FAT3: variants seen among roughly 807,000 people sequenced by gnomAD.
The protein encoded by FAT3 is FAT atypical cadherin 3, also known as protocadherin Fat 3.
In FAT3, 95 loss-of-function variants were observed where a neutral mutation model predicts 310.2. The ratio of observed to expected loss-of-function variants is 0.31; its 90% confidence interval spans 0.26 to 0.36. The LOEUF (loss-of-function observed/expected upper bound fraction) is 0.36, where lower values mean the gene tolerates loss of function less well. Ranked by LOEUF, FAT3 falls within the 10% of genes least tolerant of loss-of-function variation. The pLI, the probability that FAT3 is intolerant of heterozygous loss-of-function variation, is 1.00. For synonymous variants in FAT3, 2,314 were observed against 2,192.9 expected (o/e 1.06, Z -1.54); for missense variants, 5,408 against 5,715.6 (o/e 0.95, Z 1.74).
intron 1 of FAT3, among the ~76,000 whole-genome samples, chr11:92,241,878 T>C (rs150774782): frequency 8.5e-5 from 13 of 152,210 alleles, no homozygotes; most frequent in African/African-American, 3.1e-4. Context: ...ATTCTCTTTA[T>C]ATTATTTTGG....
At chr11:92,842,652 G>T (rs1948581464) in intron 18 of FAT3, among the ~76,000 whole-genome samples, 1 of 152,172 alleles carries the variant, frequency 6.6e-6, no homozygotes, top group South Asian at 2.1e-4. Context: ...CAGGAGGATT[G>T]CTTGTGCTCA....
At chr11:92,671,299 C>CTCTCAAAG in intron 3 of FAT3, among the ~76,000 whole-genome samples, 1 of 152,268 alleles carries the variant, frequency 6.6e-6, no homozygotes, top group East Asian at 1.9e-4. Context: ...CCCACTCAGT[C>CTCTCAAAG]TCTCAAAGTG....
At position 92,499,681 on chromosome 11, in the gene FAT3, A is replaced by G. The variant is rs559816331; in HGVS notation, c.3293-24953A>G. On this transcript the variant is annotated intron_variant, in intron 2 of 27. Coordinates refer to ENST00000525166, the MANE Select transcript of FAT3 (RefSeq NM_001367949.2). ...TTCACAGTGTCATCTTGAGTCATCT[A>G]TGTGAACAAAGTCTTGATCTTGTGT... Among the ~76,000 whole-genome samples, 45 of 149,226 alleles carry G rather than the reference A, an allele frequency of 3.0e-4. No homozygotes were observed. The South Asian group carries it at 8.1e-3, about 27-fold the overall frequency.
intron 1 of FAT3, among the ~76,000 whole-genome samples, chr11:92,284,254 A>C (rs1283948145): frequency 6.6e-6 from 1 of 152,046 alleles, no homozygotes; most frequent in Non-Finnish European, 1.5e-5. Flanking sequence ...TGTCAAAGGT[A>C]GGAAAGTGTA....
At chr11:92,874,368 T>C (rs2136375904) in intron 22 of FAT3, among the ~76,000 whole-genome samples, 1 of 152,326 alleles carries the variant, frequency 6.6e-6, no homozygotes, top group South Asian at 2.1e-4. Context: ...GTTTCTAAAA[T>C]TGTCCATCTC....
intron 4 of FAT3, among the ~76,000 whole-genome samples, chr11:92,737,795 A>G (rs1466579824): frequency 1.3e-5 from 2 of 152,076 alleles, no homozygotes; most frequent in Non-Finnish European, 2.9e-5. Context: ...TACTCACATA[A>G]TGGATCCCAG....
intron 27 of FAT3, 87 bp from the exon 28 acceptor site, chr11:92,890,404 C>T (rs749206020): frequency 1.5e-4 from 220 of 1,447,228 alleles, no homozygotes; most frequent in Non-Finnish European, 2.0e-4. Flanking sequence ...CTAAAAATTG[C>T]ATGTCAGGTC....
chr11:92,728,561 G>T (rs1209725899), intron 4 of FAT3, among the ~76,000 whole-genome samples: 1 of 152,070 alleles, frequency 6.6e-6, no homozygotes, highest in African/African-American at 2.4e-5. Context: ...TTCTGGGGCT[G>T]CTATAAAACA....
At chr11:92,361,439 G>A (rs1948880384) in intron 2 of FAT3, among the ~76,000 whole-genome samples, 1 of 151,906 alleles carries the variant, frequency 6.6e-6, no homozygotes, top group Non-Finnish European at 1.5e-5. Flanking sequence ...TTTTGGGAAG[G>A]GATTGAATCA....
At chr11:92,356,350 A>G (rs1429052972) in intron 2 of FAT3, among the ~76,000 whole-genome samples, 1 of 152,206 alleles carries the variant, frequency 6.6e-6, no homozygotes, top group East Asian at 1.9e-4. Context: ...TTTTCAGAGC[A>G]CATTTACATA....
At chr11:92,584,405 A>G (rs186921217) in intron 3 of FAT3, among the ~76,000 whole-genome samples, 34 of 152,216 alleles carry the variant, frequency 2.2e-4, no homozygotes, top group Admixed American at 5.2e-4. Flanking sequence ...TTCATCGTAC[A>G]GAAAGCTTTT....
chr11:92,557,325 C>T (rs894482732), intron 3 of FAT3, among the ~76,000 whole-genome samples: 1 of 152,150 alleles, frequency 6.6e-6, no homozygotes, highest in Non-Finnish European at 1.5e-5. Flanking sequence ...CAGGATTCCC[C>T]TGCACCTGTG....
At chr11:92,566,431 G>A in intron 3 of FAT3, among the ~76,000 whole-genome samples, 1 of 151,932 alleles carries the variant, frequency 6.6e-6, no homozygotes, top group East Asian at 1.9e-4. Flanking sequence ...TGGGTAGGAA[G>A]AATCAATATC....
At chr11:92,588,664 A>G (rs923711011) in intron 3 of FAT3, among the ~76,000 whole-genome samples, 4 of 148,210 alleles carry the variant, frequency 2.7e-5, no homozygotes, top group Non-Finnish European at 5.9e-5. Flanking sequence ...ATCAGATTGG[A>G]TGAGAACAAA....
chr11:92,307,098 TC>T (rs1011793024), intron 1 of FAT3, among the ~76,000 whole-genome samples: 4 of 151,806 alleles, frequency 2.6e-5, no homozygotes, highest in African/African-American at 9.7e-5. Flanking sequence ...TGCCTGGCTT[TC>T]CACTTAAGTA....
chr11:92,889,049 T>C (rs1193185539), intron 25 of FAT3, 140 bp from the exon 26 acceptor site: 2 of 525,316 alleles, frequency 3.8e-6, no homozygotes, highest in Non-Finnish European at 6.8e-6. Context: ...CCTAACAGAT[T>C]GTGGGGAGGC....
intron 2 of FAT3, among the ~76,000 whole-genome samples, chr11:92,480,022 T>A (rs1003674793): frequency 1.3e-5 from 2 of 151,836 alleles, no homozygotes. Flanking sequence ...TCCCAGCACT[T>A]TGGGAGGCTG....
intron 2 of FAT3, among the ~76,000 whole-genome samples, chr11:92,423,285 A>G (rs12270476): frequency 0.077 from 11,781 of 152,226 alleles, 651 homozygotes; most frequent in African/African-American, 0.15. Context: ...GTCGGTTGCA[A>G]AGAGCATTGG....
intron 12 of FAT3, 124 bp downstream of exon 12, chr11:92,806,639 T>A: frequency 1.3e-6 from 1 of 780,376 alleles, no homozygotes; most frequent in Non-Finnish European, 1.9e-6. Flanking sequence ...TGGAGGGAAA[T>A]TTTCCCTTCC....
Sources: allele counts gnomAD v4.1 joint callset (sites outside exome capture counted in the v4.1 genomes callset), GRCh38; gene constraint gnomAD v4.1.1; transcripts MANE v1.5; gene names NCBI Gene and HGNC (gene_info 2026-07-23, HGNC 2026-07-21).